CUL4A: variants seen among roughly 807,000 people sequenced by gnomAD.
The protein encoded by CUL4A is cullin 4A, also known as cullin-4A.
In CUL4A, 16 loss-of-function variants were observed where a neutral mutation model predicts 95.5. That is an observed-to-expected ratio of 0.17 (90% CI 0.11 to 0.25). The LOEUF (loss-of-function observed/expected upper bound fraction) is 0.25, where lower values mean the gene tolerates loss of function less well. Among genes scored for constraint, CUL4A ranks in the 10% least tolerant of loss-of-function variants. CUL4A has a pLI of 1.00. For missense variants in CUL4A, 610 were observed against 937.0 expected, an observed-to-expected ratio of 0.65 and a Z score of 4.56; for synonymous variants, 380 against 353.1, an observed-to-expected ratio of 1.08 and a Z score of -0.85.
At chr13:113,209,140 G>A (rs1379827414), upstream of CUL4A, among the ~76,000 whole-genome samples, 1 of 150,744 alleles carries the variant, frequency 6.6e-6, no homozygotes, top group Non-Finnish European at 1.5e-5. Flanking sequence ...GTCCCGGCGC[G>A]CACCCCTGAG....
At chr13:113,240,117 A>G (rs1414325858) in intron 10 of CUL4A, among the ~76,000 whole-genome samples, 1 of 152,228 alleles carries the variant, frequency 6.6e-6, no homozygotes, top group Non-Finnish European at 1.5e-5. Context: ...TGTCCTGTGC[A>G]GGAGAACGGC....
chr13:113,236,915 A>G (rs2041563407), intron 9 of CUL4A, 25 bp downstream of exon 9: 2 of 1,516,638 alleles, frequency 1.3e-6, no homozygotes, highest in South Asian at 1.1e-5. Context: ...TCTTGTGCAA[A>G]TTAAACTGAA....
chr13:113,229,222 A>C (rs1197626874), intron 4 of CUL4A, among the ~76,000 whole-genome samples: 1 of 152,238 alleles, frequency 6.6e-6, no homozygotes, highest in East Asian at 1.9e-4. Flanking sequence ...TTTTAGGCTA[A>C]GTGCGTTAAA....
chr13:113,232,514 G>A (rs1237154490), intron 5 of CUL4A, among the ~76,000 whole-genome samples: 1 of 152,188 alleles, frequency 6.6e-6, no homozygotes, highest in Non-Finnish European at 1.5e-5. Context: ...CCTCCTTAAT[G>A]GCGTACTTGG....
At chr13:113,220,630 G>A (rs1367009904) in intron 3 of CUL4A, among the ~76,000 whole-genome samples, 2 of 152,210 alleles carry the variant, frequency 1.3e-5, no homozygotes, top group African/African-American at 4.8e-5. Flanking sequence ...TCAGTAGGCG[G>A]TGATTGTTCC....
At chr13:113,221,414 T>G (rs866978130) in intron 3 of CUL4A, among the ~76,000 whole-genome samples, 28 of 152,198 alleles carry the variant, frequency 1.8e-4, no homozygotes, top group Admixed American at 3.9e-4. Flanking sequence ...TTTAAGTATC[T>G]GTCATGTGCT....
intron 19 of CUL4A, among the ~76,000 whole-genome samples, chr13:113,262,560 G>C (rs1224401452): frequency 2.0e-5 from 3 of 152,194 alleles, no homozygotes; most frequent in Admixed American, 6.5e-5. Flanking sequence ...GAAGCACGAA[G>C]ATTGCTTGAG....
chr13:113,213,836 T>C (rs1940877495), intron 2 of CUL4A, among the ~76,000 whole-genome samples: 1 of 152,214 alleles, frequency 6.6e-6, no homozygotes, highest in Non-Finnish European at 1.5e-5. Flanking sequence ...CCAGGGGATA[T>C]GTGGAATCAG....
upstream of CUL4A, chr13:113,208,584 C>T (rs547326301): frequency 3.0e-5 from 48 of 1,607,336 alleles, no homozygotes; most frequent in African/African-American, 3.1e-4. Flanking sequence ...CGCGCGCTCC[C>T]CGGCTAGGAC....
intron 6 of CUL4A, among the ~76,000 whole-genome samples, 197 bp downstream of exon 6, chr13:113,233,536 A>T (rs1004801048): frequency 6.6e-6 from 1 of 152,188 alleles, no homozygotes. Context: ...AGATAGATCA[A>T]TATCACTACA....
intron 18 of CUL4A, among the ~76,000 whole-genome samples, chr13:113,256,393 T>C (rs2139289692): frequency 6.6e-6 from 1 of 152,290 alleles, no homozygotes; most frequent in South Asian, 2.1e-4. Flanking sequence ...GACATTTCTG[T>C]GCACTTGTTA....
intron 8 of CUL4A, among the ~76,000 whole-genome samples, chr13:113,235,477 C>T (rs1043820908): frequency 5.3e-5 from 8 of 152,068 alleles, no homozygotes; most frequent in South Asian, 2.1e-4. Context: ...CATTTTATAT[C>T]GCTTTAATTT....
intron 16 of CUL4A, among the ~76,000 whole-genome samples, chr13:113,253,452 T>C (rs529122424): frequency 2.6e-5 from 4 of 151,866 alleles, no homozygotes; most frequent in African/African-American, 9.7e-5. Context: ...AAAAGCAAAA[T>C]TGAAAAAAAT....
At chr13:113,212,076 T>C (rs759651339) in intron 2 of CUL4A, among the ~76,000 whole-genome samples, 3 of 152,266 alleles carry the variant, frequency 2.0e-5, no homozygotes, top group Non-Finnish European at 4.4e-5. Context: ...TAAGCATCTT[T>C]GTATTTACTT....
At chr13:113,247,616 T>C (rs1320196624) in intron 15 of CUL4A, among the ~76,000 whole-genome samples, 1 of 152,128 alleles carries the variant, frequency 6.6e-6, no homozygotes, top group Non-Finnish European at 1.5e-5. Flanking sequence ...AGGAGAACTT[T>C]GGGGGAGAAG....
chr13:113,232,220 TGC>T (rs1264641429), intron 5 of CUL4A, among the ~76,000 whole-genome samples: 1,011 of 9,010 alleles, frequency 0.11, 410 homozygotes, highest in Middle Eastern at 0.2. Context: ...CCATTACTGC[TGC>T]CACCACTACC....
Position 113,258,106 on chromosome 13 carries a change from C to T in CUL4A, c.2032-2501C>T, listed in dbSNP as rs182629653. Among the ~76,000 whole-genome samples the T allele has an allele frequency of 2.5e-3, 375 of 152,158 alleles. 1 individual carries two copies. The highest frequency in any genetic ancestry group is 0.01 in the Middle Eastern group (3 of 294). ...CACTGCAGCCTCAACCTCTTGGGCT[C>T]AAGCGATCCTCCCACCTCAGCCCCA... On this transcript the variant is annotated intron_variant, in intron 18 of 19. Transcript: ENST00000375440.
intron 18 of CUL4A, among the ~76,000 whole-genome samples, chr13:113,256,926 GTTTTTTTTTT>G (rs951070829): frequency 1.1e-4 from 5 of 47,386 alleles, no homozygotes; most frequent in Non-Finnish European, 1.4e-4. Context: ...TTTTTTTTTC[GTTTTTTTTTT>G]TTTTTTTTTT....
chr13:113,254,489 G>A (rs2042072546), intron 16 of CUL4A, among the ~76,000 whole-genome samples: 2 of 152,098 alleles, frequency 1.3e-5, no homozygotes, highest in Non-Finnish European at 2.9e-5. Flanking sequence ...CAGCTACTCG[G>A]GAGGCTGAGG....
Sources: gnomAD v4.1 joint callset for allele counts (sites outside exome capture counted in the v4.1 genomes callset) on GRCh38, gnomAD v4.1.1 for gene constraint, MANE v1.5 for transcripts, NCBI Gene and HGNC (gene_info 2026-07-23, HGNC 2026-07-21) for gene names.